Variants in TFCP2 observed in about 807,000 individuals in gnomAD.
TFCP2 encodes alpha-globin transcription factor CP2.
A neutral mutation model predicts 73.4 loss-of-function variants in TFCP2; 33 were observed. That is an observed-to-expected ratio of 0.45 (90% CI 0.34 to 0.60). The LOEUF (loss-of-function observed/expected upper bound fraction) is 0.60. Ranked by LOEUF, TFCP2 falls within the 20% of genes least tolerant of loss-of-function variation. The probability of loss-of-function intolerance (pLI) is 0.01; values close to 1 mark genes in which losing one functional copy is unlikely to be tolerated. For missense variants in TFCP2, 352 were observed against 604.0 expected (o/e 0.58, Z 4.37); for synonymous variants, 193 against 211.6 (o/e 0.91, Z 0.76).
At chr12:51,126,983 A>T (rs1940832014) in intron 1 of TFCP2, among the ~76,000 whole-genome samples, 1 of 152,378 alleles carries the variant, frequency 6.6e-6, no homozygotes, top group South Asian at 2.1e-4. Context: ...AAAGCCAGTG[A>T]TGATACAAGA....
intron 1 of TFCP2, among the ~76,000 whole-genome samples, chr12:51,137,562 T>C (rs1485540729): frequency 6.6e-6 from 1 of 152,166 alleles, no homozygotes; most frequent in Non-Finnish European, 1.5e-5. Context: ...TTTACCAGCC[T>C]ACAGATCTCA....
chr12:51,107,430 T>A (rs1940274311), intron 6 of TFCP2, 84 bp from the exon 7 acceptor site: 1 of 1,107,080 alleles, frequency 9.0e-7, no homozygotes, highest in East Asian at 2.4e-5. Flanking sequence ...AATATTCATG[T>A]ATGAAACAAA....
chr12:51,133,106 T>C (rs1207679870), intron 1 of TFCP2, among the ~76,000 whole-genome samples: 2 of 151,896 alleles, frequency 1.3e-5, no homozygotes, highest in Admixed American at 6.6e-5. Context: ...AAGGAAAATA[T>C]TAAGTCAACC....
At chr12:51,098,396 C>T (rs1940020343) in intron 13 of TFCP2, among the ~76,000 whole-genome samples, 1 of 152,062 alleles carries the variant, frequency 6.6e-6, no homozygotes, top group South Asian at 2.1e-4. Context: ...GAGGCCGAGG[C>T]GGGTGGATCA....
intron 1 of TFCP2, among the ~76,000 whole-genome samples, chr12:51,171,241 G>A (rs1941854236): frequency 1.3e-5 from 2 of 152,110 alleles, no homozygotes; most frequent in Non-Finnish European, 2.9e-5. Context: ...CTACCCCTAA[G>A]ATGCAGCTGT....
intron 13 of TFCP2, among the ~76,000 whole-genome samples, chr12:51,098,312 CA>C (rs1288548746): frequency 6.6e-6 from 1 of 152,040 alleles, no homozygotes; most frequent in African/African-American, 2.4e-5. Context: ...TAAAAATGTG[CA>C]TGGGAATATG....
In TFCP2 at chr12:51,106,707, T is replaced by C. The variant is rs1940255078; in HGVS notation, c.829-94A>G. On this transcript the variant is annotated intron_variant, in intron 7 of 14. Coordinates refer to ENST00000257915, the MANE Select transcript of TFCP2 (RefSeq NM_005653.5). ...TACTTGAATAGCACATCTTGATTAG[T>C]AAATCTTAATTCCTCAGAGACTCCC... 4.3e-6 allele frequency: 4 copies of C among 933,644 alleles called. No individual in the cohort carries two copies. In the Admixed American group the frequency reaches 8.9e-5, roughly 21 times the overall value. 57.8% of individuals were successfully genotyped at this position (933,644 alleles called of 1,614,324 possible).
At chr12:51,120,420 G>T (rs1940637907) in intron 1 of TFCP2, among the ~76,000 whole-genome samples, 1 of 152,048 alleles carries the variant, frequency 6.6e-6, no homozygotes, top group African/African-American at 2.4e-5. Flanking sequence ...GTCTAAAACA[G>T]GCAGAGCCAA....
At chr12:51,100,142 A>G (rs1940074331) in intron 11 of TFCP2, among the ~76,000 whole-genome samples, 1 of 152,126 alleles carries the variant, frequency 6.6e-6, no homozygotes, top group Non-Finnish European at 1.5e-5. Flanking sequence ...CACTTACATT[A>G]CCTGTATGTA....
chr12:51,126,193 A>C (rs1403716471), intron 1 of TFCP2, among the ~76,000 whole-genome samples: 2 of 143,360 alleles, frequency 1.4e-5, no homozygotes, highest in East Asian at 4.1e-4. Context: ...AGATTGCGCT[A>C]CTGCACTCCA....
intron 1 of TFCP2, 147 bp downstream of exon 1, chr12:51,172,154 C>T: frequency 1.7e-6 from 2 of 1,184,188 alleles, no homozygotes; most frequent in Non-Finnish European, 2.4e-6. Context: ...ACTAACTACT[C>T]AAAGCGACAA....
At position 51,099,729 on chromosome 12, in the gene TFCP2, A is replaced by T. The variant is rs761365425; in HGVS notation, c.1202T>A (p.Leu401Ter). ...CTGCTGCTGTTGTTGCTGCTCCCTC[A>T]ACTGCAGTGATTCCTGACAAACATA... ...TIYVCQESLQ[L>*]REQQQQQQQQ... is the part of the protein sequence containing the mutation. Residue 401 changes from leucine (L) to a stop codon, truncating the protein, a stop_gained, in exon 12 of 15, where the codon TTG becomes TAG. Transcript: ENST00000257915. LOFTEE classifies it high-confidence loss of function. 1 of 1,614,124 alleles carries T rather than the reference A, an allele frequency of 6.2e-7. No individual in the cohort carries two copies. Among genetic ancestry groups the T allele is most frequent in the East Asian group, 2.2e-5 (1 of 44,876 alleles).
chr12:51,138,304 T>C (rs1357676252), intron 1 of TFCP2, among the ~76,000 whole-genome samples: 1 of 151,814 alleles, frequency 6.6e-6, no homozygotes, highest in Non-Finnish European at 1.5e-5. Context: ...TATAATCCCA[T>C]GTAAACCATG....
At chr12:51,106,503 C>A in intron 8 of TFCP2, 22 bp downstream of exon 8, 2 of 1,578,750 alleles carry the variant, frequency 1.3e-6, no homozygotes, top group South Asian at 1.1e-5. Flanking sequence ...AAATATAAGC[C>A]AATTTTATTT....
chr12:51,138,446 T>C (rs145976545), intron 1 of TFCP2, among the ~76,000 whole-genome samples: 1,655 of 151,156 alleles, frequency 0.011, 17 homozygotes, highest in South Asian at 0.023. Flanking sequence ...TGTGAACCAC[T>C]GTGCCTGGCC....
intron 1 of TFCP2, among the ~76,000 whole-genome samples, chr12:51,119,064 A>G (rs1359525726): frequency 6.6e-6 from 1 of 152,254 alleles, no homozygotes; most frequent in African/African-American, 2.4e-5. Flanking sequence ...AGAGTTCTAA[A>G]ATGTATAAAT....
chr12:51,172,710 C>G lies in TFCP2; in HGVS notation c.-288G>C, dbSNP rs559255463. ...TACTGCAGACTTCCCAGAGGCAGCT[C>G]TGGACTCCCGCACTCCCACTCCTCT... On this transcript the variant is annotated 5_prime_UTR_variant, in exon 1 of 15. Transcript: ENST00000257915. 7 of 324,474 alleles carry G rather than the reference C, an allele frequency of 2.2e-5. No homozygotes were observed. The East Asian group carries it at 4.6e-4, about 21-fold the overall frequency. The allele number at this position is 324,474 out of a possible 1,614,324, so 20.1% of individuals were successfully genotyped here.
At chr12:51,116,656 T>C (rs959087244) in intron 3 of TFCP2, among the ~76,000 whole-genome samples, 1 of 152,014 alleles carries the variant, frequency 6.6e-6, no homozygotes, top group Non-Finnish European at 1.5e-5. Flanking sequence ...TTGCTCTTGT[T>C]GCCCAGGTTG....
Position 51,150,031 on chromosome 12 carries a change from C to T in TFCP2, c.122+22270G>A, listed in dbSNP as rs140924551. On this transcript the variant is annotated intron_variant, in intron 1 of 14. Coordinates refer to ENST00000257915, the MANE Select transcript of TFCP2 (RefSeq NM_005653.5). ...CCTATATTTTTCCTCAGTTACATCCCCTCCAACTCCCAGAGGCAACATTAT... is the reference window on the plus strand; with the variant it reads ...CCTATATTTTTCCTCAGTTACATCCTCTCCAACTCCCAGAGGCAACATTAT... Among the ~76,000 whole-genome samples, 114 of 152,276 alleles carry T rather than the reference C, an allele frequency of 7.5e-4. 2 individuals are homozygous for T. The East Asian group carries it at 0.018, about 24-fold the overall frequency.
Sources: allele counts gnomAD v4.1 joint callset (sites outside exome capture counted in the v4.1 genomes callset), GRCh38; gene constraint gnomAD v4.1.1; transcripts MANE v1.5; gene names NCBI Gene and HGNC (gene_info 2026-07-23, HGNC 2026-07-21).